Variants in ACOT1 observed in about 807,000 individuals in gnomAD.
ACOT1 encodes acyl-CoA thioesterase 1, also known as acyl-coenzyme A thioesterase 1.
A neutral mutation model predicts 15.7 loss-of-function variants in ACOT1; 8 were observed. That is an observed-to-expected ratio of 0.51 (90% CI 0.30 to 0.92). The LOEUF is 0.92. Ranked by LOEUF, ACOT1 falls within the 40% of genes least tolerant of loss-of-function variation. ACOT1 has a pLI of 0.06. For synonymous variants in ACOT1, 67 were observed against 241.2 expected (o/e 0.28, Z 6.69); for missense variants, 151 against 539.4 (o/e 0.28, Z 7.13).
the ACOT1 span, chr14:73,506,436 T>C: frequency 6.5e-7 from 1 of 1,545,996 alleles, no homozygotes; most frequent in Non-Finnish European, 8.9e-7. Context: ...CTCTTAGGCT[T>C]TCTGTCCTGG....
the ACOT1 span, chr14:73,491,041 A>C: frequency 5.7e-6 from 9 of 1,584,802 alleles, no homozygotes; most frequent in African/African-American, 1.2e-4. Context: ...AGGCCAGTGC[A>C]GGGCCGTTGA....
chr14:73,529,354 CAA>C, the ACOT1 span, among the ~76,000 whole-genome samples: 5,538 of 87,210 alleles, frequency 0.064, 108 homozygotes, highest in Non-Finnish European at 0.093. Context: ...GACTCTGTCT[CAA>C]AAAAAAAAAA....
the ACOT1 span, chr14:73,495,119 C>A: frequency 1.1e-6 from 1 of 913,212 alleles, no homozygotes; most frequent in Non-Finnish European, 1.7e-6. Flanking sequence ...AGTACCCTTT[C>A]CTGACTCTTT....
chr14:73,498,423 C>T, the ACOT1 span: 1 of 1,245,998 alleles, frequency 8.0e-7, no homozygotes, highest in Non-Finnish European at 1.1e-6. Context: ...TTGAGTTTTG[C>T]AAACAATACC....
the ACOT1 span, chr14:73,500,818 C>T: frequency 5.4e-6 from 7 of 1,306,610 alleles, no homozygotes; most frequent in Admixed American, 2.1e-5. Context: ...TGATAAAATC[C>T]GGGTTCTGTA....
At chr14:73,521,466 G>T in the ACOT1 span, among the ~76,000 whole-genome samples, 1 of 152,132 alleles carries the variant, frequency 6.6e-6, no homozygotes, top group East Asian at 1.9e-4. Context: ...GCTCCTTAAA[G>T]GTACATATCT....
At chr14:73,524,293 C>CAAAAAAAA in the ACOT1 span, among the ~76,000 whole-genome samples, 13 of 56,652 alleles carry the variant, frequency 2.3e-4, no homozygotes, top group South Asian at 7.8e-4. Context: ...AACTCCGTCT[C>CAAAAAAAA]AAAAAAAAAA....
At chr14:73,522,550 C>T in the ACOT1 span, 71 of 1,614,034 alleles carry the variant, frequency 4.4e-5, no homozygotes, top group Middle Eastern at 8.2e-4. Flanking sequence ...TGGCCTCCCA[C>T]GCTCTGGCCT....
chr14:73,524,541 G>A, the ACOT1 span, among the ~76,000 whole-genome samples: 1 of 150,554 alleles, frequency 6.6e-6, no homozygotes, highest in Non-Finnish European at 1.5e-5. Flanking sequence ...ACCTTGCTGA[G>A]GATTTTACGT....
the ACOT1 span, chr14:73,514,249 A>G: frequency 8.3e-5 from 134 of 1,610,818 alleles, 2 homozygotes; most frequent in East Asian, 3.0e-3. Context: ...GCAACGTGGC[A>G]GTGTGAGGTC....
At chr14:73,503,142 C>T in the ACOT1 span, 2 of 711,962 alleles carry the variant, frequency 2.8e-6, no homozygotes, top group South Asian at 1.7e-5. Flanking sequence ...GTGTTTTTTC[C>T]CATCGCTTAC....
chr14:73,538,967 T>TAAAACA (rs1002008696), intron 1 of ACOT1, among the ~76,000 whole-genome samples: 3 of 115,284 alleles, frequency 2.6e-5, no homozygotes, highest in African/African-American at 8.5e-5. Flanking sequence ...AAACTCCATC[T>TAAAACA]AAAACAAAAA....
the ACOT1 span, chr14:73,521,091 C>T: frequency 6.7e-7 from 1 of 1,488,624 alleles, no homozygotes; most frequent in Non-Finnish European, 9.3e-7. Flanking sequence ...GGAGGTGGAT[C>T]CCCCTTTCCA....
At chr14:73,491,856 G>C in the ACOT1 span, 10 of 1,609,848 alleles carry the variant, frequency 6.2e-6, no homozygotes, top group Non-Finnish European at 8.5e-6. Context: ...CCACCCGGCC[G>C]CGCGCTGCCC....
At chr14:73,538,773 G>T (rs1314152343) in intron 1 of ACOT1, among the ~76,000 whole-genome samples, 1 of 113,550 alleles carries the variant, frequency 8.8e-6, no homozygotes, top group Non-Finnish European at 1.9e-5. Context: ...TTCGAGACCA[G>T]CCTGGCCAAC....
the ACOT1 span, among the ~76,000 whole-genome samples, chr14:73,529,414 G>A: frequency 6.6e-6 from 1 of 150,972 alleles, no homozygotes. Context: ...ACCAGGCCCT[G>A]GAATGAGCAA....
the ACOT1 span, chr14:73,491,937 C>G: frequency 5.2e-4 from 835 of 1,613,688 alleles, no homozygotes; most frequent in Non-Finnish European, 6.7e-4. Context: ...TTCTCTACTA[C>G]TGTGTGGCAG....
At chr14:73,529,447 C>T in the ACOT1 span, among the ~76,000 whole-genome samples, 4 of 151,070 alleles carry the variant, frequency 2.6e-5, no homozygotes, top group Non-Finnish European at 4.4e-5. Flanking sequence ...ATCTGCATTT[C>T]TAGGAACTTG....
chr14:73,508,719 C>G, the ACOT1 span, among the ~76,000 whole-genome samples: 1 of 136,468 alleles, frequency 7.3e-6, no homozygotes, highest in African/African-American at 2.8e-5. Context: ...CCATTGCACT[C>G]CAGCCTGGGC....
Sources: gnomAD v4.1 joint callset for allele counts (sites outside exome capture counted in the v4.1 genomes callset) on GRCh38, gnomAD v4.1.1 for gene constraint, MANE v1.5 for transcripts, NCBI Gene and HGNC (gene_info 2026-07-23, HGNC 2026-07-21) for gene names.